GALNT13: variants seen among roughly 807,000 people sequenced by gnomAD.
GALNT13 encodes the protein UDP-GalNAc:polypeptide N-acetylgalactosaminyltransferase 13.
In GALNT13, 28 loss-of-function variants were observed where a neutral mutation model predicts 64.2. That is an observed-to-expected ratio of 0.44 (90% confidence interval 0.32 to 0.60). The LOEUF is 0.60. Ranked by LOEUF, GALNT13 falls within the 20% of genes least tolerant of loss-of-function variation. GALNT13 has a pLI of 0.05. For missense variants in GALNT13, 577 were observed against 669.8 expected, an observed-to-expected ratio of 0.86 and a Z score of 1.53; for synonymous variants, 214 against 224.6, an observed-to-expected ratio of 0.95 and a Z score of 0.42.
chr2:153,358,231 C>T, the GALNT13 span, among the ~76,000 whole-genome samples: 1 of 152,174 alleles, frequency 6.6e-6, no homozygotes, highest in African/African-American at 2.4e-5. Flanking sequence ...TGAAAAATAA[C>T]ATAATTAAAA....
At chr2:153,761,643 C>G in the GALNT13 span, 1 of 152,432 alleles carries the variant, frequency 6.6e-6, no homozygotes, top group Admixed American at 6.5e-5. Context: ...TATCATGAGA[C>G]AGAAAACCAT....
chr2:153,431,662 A>C, the GALNT13 span, among the ~76,000 whole-genome samples: 1 of 152,354 alleles, frequency 6.6e-6, no homozygotes, highest in East Asian at 1.9e-4. Context: ...ACAGACAATT[A>C]GCATGGGATT....
intron 3 of GALNT13, among the ~76,000 whole-genome samples, chr2:154,021,175 G>A (rs1276440500): frequency 1.3e-5 from 2 of 152,128 alleles, no homozygotes; most frequent in African/African-American, 4.8e-5. Flanking sequence ...GATTGACTTG[G>A]CGATGCGGGC....
the GALNT13 span, among the ~76,000 whole-genome samples, chr2:153,409,768 TGATGTAAAAAGAACAAAAATGCTAAAGTA>T: frequency 7.2e-5 from 11 of 152,100 alleles, no homozygotes; most frequent in African/African-American, 2.6e-4. Context: ...CCCAGGATAT[TGATGTAAAAAGAACAAAAATGCTAAAGTA>T]TAATTAAGAA....
At chr2:154,092,872 C>A (rs185156716) in intron 3 of GALNT13, among the ~76,000 whole-genome samples, 96 of 152,058 alleles carry the variant, frequency 6.3e-4, no homozygotes, top group African/African-American at 2.0e-3. Context: ...GAGGGTAATT[C>A]TTTGCTTTAA....
At chr2:154,083,324 A>G in intron 3 of GALNT13, among the ~76,000 whole-genome samples, 1 of 151,966 alleles carries the variant, frequency 6.6e-6, no homozygotes, top group East Asian at 1.9e-4. Context: ...GGCTTGTAGT[A>G]TAGTTTGAAG....
At chr2:153,269,183 A>T in the GALNT13 span, among the ~76,000 whole-genome samples, 69,875 of 151,832 alleles carry the variant, frequency 0.46, 16,496 homozygotes, top group Non-Finnish European at 0.5. Flanking sequence ...CTACTTTTTT[A>T]AAAAAAATAA....
At chr2:153,720,200 C>T in the GALNT13 span, among the ~76,000 whole-genome samples, 8 of 146,040 alleles carry the variant, frequency 5.5e-5, no homozygotes, top group Middle Eastern at 3.4e-3. Context: ...AGCAGGGGCA[C>T]ACTGACACCT....
At chr2:153,256,261 G>T in the GALNT13 span, among the ~76,000 whole-genome samples, 6 of 151,070 alleles carry the variant, frequency 4.0e-5, no homozygotes, top group African/African-American at 1.2e-4. Flanking sequence ...GATCGCATCA[G>T]CTCCTGAGGC....
At chr2:153,701,904 C>T in the GALNT13 span, among the ~76,000 whole-genome samples, 9 of 152,046 alleles carry the variant, frequency 5.9e-5, no homozygotes, top group East Asian at 7.7e-4. Flanking sequence ...AGTTCAACCA[C>T]GGTGGAAGAT....
At chr2:153,960,349 C>T (rs550432032) in intron 3 of GALNT13, among the ~76,000 whole-genome samples, 1 of 152,250 alleles carries the variant, frequency 6.6e-6, no homozygotes, top group East Asian at 1.9e-4. Context: ...GAGCTTAATC[C>T]ATGAGGATTC....
rs1225002433 is a variant in GALNT13, at chr2:154,115,783, G to T, written c.143-24554G>T. ...TAAATGCAGAGTCCCTACTTAGTGG[G>T]CCCAAATCAATCAGTTCAGCCTGAT... On this transcript the variant is annotated intron_variant, in intron 3 of 12. Transcript: ENST00000392825. Among the ~76,000 whole-genome samples, 4 of 152,124 alleles carry T rather than the reference G, an allele frequency of 2.6e-5. No homozygotes were observed. The East Asian group carries it at 7.7e-4, about 29-fold the overall frequency.
intron 3 of GALNT13, among the ~76,000 whole-genome samples, chr2:153,977,639 A>G (rs570473227): frequency 2.0e-5 from 3 of 152,280 alleles, no homozygotes; most frequent in East Asian, 1.9e-4. Flanking sequence ...GCCAAACCAT[A>G]TCACTATTTG....
chr2:154,074,991 G>C (rs1453592307), intron 3 of GALNT13, among the ~76,000 whole-genome samples: 1 of 151,796 alleles, frequency 6.6e-6, no homozygotes, highest in Non-Finnish European at 1.5e-5. Flanking sequence ...GACCTGGAGA[G>C]AGACAAGATG....
At chr2:153,502,041 TA>T in the GALNT13 span, among the ~76,000 whole-genome samples, 2 of 152,124 alleles carry the variant, frequency 1.3e-5, no homozygotes, top group Admixed American at 6.5e-5. Flanking sequence ...TAAGAAAAGT[TA>T]AAAAAAATTA....
chr2:153,464,939 A>G, the GALNT13 span, among the ~76,000 whole-genome samples: 1 of 152,166 alleles, frequency 6.6e-6, no homozygotes, highest in Non-Finnish European at 1.5e-5. Flanking sequence ...TGGAAGATGC[A>G]TATCTAAAGT....
intron 3 of GALNT13, among the ~76,000 whole-genome samples, chr2:153,955,239 C>T (rs141724176): frequency 4.6e-5 from 7 of 152,164 alleles, no homozygotes; most frequent in African/African-American, 1.7e-4. Context: ...TATTTGATAC[C>T]ATTCATTCAT....
At chr2:153,648,878 T>C in the GALNT13 span, among the ~76,000 whole-genome samples, 13 of 152,302 alleles carry the variant, frequency 8.5e-5, no homozygotes, top group African/African-American at 2.9e-4. Context: ...TAGTATCTTA[T>C]TGAGGATTTT....
the GALNT13 span, among the ~76,000 whole-genome samples, chr2:153,508,296 T>C: frequency 2.6e-5 from 4 of 152,156 alleles, no homozygotes; most frequent in African/African-American, 7.2e-5. Flanking sequence ...CCTTTGTCTT[T>C]GGCAACTAGG....
Sources: gnomAD v4.1 joint callset for allele counts (sites outside exome capture counted in the v4.1 genomes callset) on GRCh38, gnomAD v4.1.1 for gene constraint, MANE v1.5 for transcripts, NCBI Gene and HGNC (gene_info 2026-07-23, HGNC 2026-07-21) for gene names.